Variants in GAD2 observed in about 807,000 individuals in gnomAD.
The protein encoded by GAD2 is glutamate decarboxylase 2.
Under a neutral mutation model 80.1 loss-of-function variants are expected in GAD2, and 22 were observed. The ratio of observed to expected loss-of-function variants is 0.27; its 90% CI spans 0.20 to 0.39. The LOEUF (loss-of-function observed/expected upper bound fraction) is 0.39. Among genes scored for constraint, GAD2 ranks in the 10% least tolerant of loss-of-function variants. The pLI is 1.00. For synonymous variants in GAD2, 274 were observed against 256.9 expected (o/e 1.07, Z -0.64); for missense variants, 624 against 738.4 (o/e 0.85, Z 1.80).
At chr10:26,273,747 C>T in intron 11 of GAD2, 47 bp downstream of exon 11, 1 of 1,487,304 alleles carries the variant, frequency 6.7e-7, no homozygotes, top group South Asian at 1.2e-5. Context: ...TAAAAGCTAA[C>T]TGTGAAACAC....
At chr10:26,281,613 T>G (rs1229600938) in intron 12 of GAD2, among the ~76,000 whole-genome samples, 1 of 152,200 alleles carries the variant, frequency 6.6e-6, no homozygotes, top group East Asian at 1.9e-4. Context: ...AAAGCCATGT[T>G]CAAAGTGTAA....
At chr10:26,294,112 A>T (rs1259841857) in intron 15 of GAD2, among the ~76,000 whole-genome samples, 1 of 152,158 alleles carries the variant, frequency 6.6e-6, no homozygotes, top group Non-Finnish European at 1.5e-5. Context: ...GAAACTAGGG[A>T]TGGTCATGTA....
intron 15 of GAD2, 30 bp downstream of exon 15, chr10:26,293,021 T>C (rs986504865): frequency 4.6e-6 from 7 of 1,533,264 alleles, no homozygotes; most frequent in Admixed American, 1.7e-5. Context: ...CTGATACATG[T>C]GTGTATTGAG....
intron 8 of GAD2, among the ~76,000 whole-genome samples, chr10:26,254,285 C>T (rs1564663683): frequency 6.6e-6 from 1 of 152,216 alleles, no homozygotes; most frequent in East Asian, 1.9e-4. Flanking sequence ...GATCTGCCCG[C>T]CTCGACCTCC....
At chr10:26,278,946 G>A (rs185056085) in intron 11 of GAD2, among the ~76,000 whole-genome samples, 124 of 152,048 alleles carry the variant, frequency 8.2e-4, no homozygotes, top group African/African-American at 2.9e-3. Flanking sequence ...CACCCGAGAG[G>A]TGGGAACTGG....
At chr10:26,245,810 A>C (rs1844801822) in intron 7 of GAD2, 111 bp from the exon 8 acceptor site, 3 of 817,458 alleles carry the variant, frequency 3.7e-6, no homozygotes, top group South Asian at 3.5e-5. Context: ...CAGGCTTTGG[A>C]GGAACAGACT....
chr10:26,245,390 A>AT (rs567176584), intron 7 of GAD2, among the ~76,000 whole-genome samples: 1,701 of 152,038 alleles, frequency 0.011, 38 homozygotes, highest in African/African-American at 0.039. Flanking sequence ...AAATAAAAAA[A>AT]AAATAAATAA....
chr10:26,220,140 G>T (rs1280929597), intron 4 of GAD2, among the ~76,000 whole-genome samples: 1 of 152,054 alleles, frequency 6.6e-6, no homozygotes, highest in African/African-American at 2.4e-5. Flanking sequence ...TTTTTACGTT[G>T]TCTCTAATCA....
Position 26,246,035 on chromosome 10 carries a change from A to G in GAD2, c.920+35A>G, listed in dbSNP as rs201118526. On this transcript the variant is annotated intron_variant, in intron 8 of 15. Transcript: ENST00000376261. Reference sequence around the variant, plus strand: ...CATCGGCAACTCTTGTTGGTTAGCAATTTGCAAATTCCACACAAGTAGTGC... The same window carrying G: ...CATCGGCAACTCTTGTTGGTTAGCAGTTTGCAAATTCCACACAAGTAGTGC... The G allele has an allele frequency of 5.0e-4, 792 of 1,586,316 alleles. 2 individuals are homozygous for G. The Middle Eastern group carries it at 0.01, about 20-fold the overall frequency.
chr10:26,283,626 C>T (rs1208752851), intron 12 of GAD2, among the ~76,000 whole-genome samples: 8 of 152,228 alleles, frequency 5.3e-5, no homozygotes, highest in Non-Finnish European at 1.2e-4. Flanking sequence ...CTGCCATGCT[C>T]TGCTTAGCTT....
At chr10:26,254,024 T>C (rs1844914217) in intron 8 of GAD2, among the ~76,000 whole-genome samples, 2 of 152,198 alleles carry the variant, frequency 1.3e-5, no homozygotes, top group Admixed American at 6.5e-5. Context: ...TTTTCTTTTC[T>C]TTTAATTGAA....
Position 26,219,224 on chromosome 10 carries a change from G to A in GAD2, c.468G>A (p.Leu156=). ...AATTGGCAGACCAACCACAAAATTT[G>A]GAGGAAATTTTGATGCATTGCCAAA... ...NWELADQPQN[L]EEILMHCQTT... Residue 156 remains leucine (L), a synonymous_variant, in exon 4 of 16, where the codon TTG becomes TTA. Coordinates refer to ENST00000376261, the MANE Select transcript of GAD2 (RefSeq NM_001134366.2). 1 of 1,613,660 alleles carries A rather than the reference G, an allele frequency of 6.2e-7. No individual in the cohort carries two copies. Among genetic ancestry groups the A allele is most frequent in the Non-Finnish European group, 8.5e-7 (1 of 1,179,818 alleles).
chr10:26,233,786 G>C lies in GAD2; in HGVS notation c.840+4009G>C, dbSNP rs575157492. Among the ~76,000 whole-genome samples, 366 of 152,284 alleles carry C rather than the reference G, an allele frequency of 2.4e-3. 2 individuals carry two copies. Among genetic ancestry groups the C allele is most frequent in the Non-Finnish European group, 4.5e-3 (309 of 68,026 alleles). ...AGACAACATCAATCTTGGCATGGAGGCTTCTTTCCTCAATTGCTTGGCTGG... is the reference window on the plus strand; with the variant it reads ...AGACAACATCAATCTTGGCATGGAGCCTTCTTTCCTCAATTGCTTGGCTGG... On this transcript the variant is annotated intron_variant, in intron 7 of 15. Coordinates refer to ENST00000376261, the MANE Select transcript of GAD2 (RefSeq NM_001134366.2).
At chr10:26,293,742 TGTG>T (rs1319811113) in intron 15 of GAD2, among the ~76,000 whole-genome samples, 1 of 152,178 alleles carries the variant, frequency 6.6e-6, no homozygotes, top group Non-Finnish European at 1.5e-5. Context: ...TCCTTAGAGC[TGTG>T]GTGACCCCTA....
At chr10:26,218,081 G>C in intron 3 of GAD2, 90 bp downstream of exon 3, 2 of 1,374,766 alleles carry the variant, frequency 1.5e-6, no homozygotes, top group South Asian at 1.4e-5. Context: ...CTGAGAGCCG[G>C]ACAGGGGCGT....
chr10:26,296,627 T>C (rs1021145542), intron 15 of GAD2, among the ~76,000 whole-genome samples: 9 of 152,184 alleles, frequency 5.9e-5, no homozygotes, highest in African/African-American at 2.2e-4. Context: ...GGGCAGCAAG[T>C]GGGCTGTGCC....
At chr10:26,249,654 T>C (rs1366404454) in intron 8 of GAD2, among the ~76,000 whole-genome samples, 1 of 152,090 alleles carries the variant, frequency 6.6e-6, no homozygotes, top group Non-Finnish European at 1.5e-5. Flanking sequence ...AGCATCGGCA[T>C]CACTGCTCCT....
chr10:26,294,876 A>G (rs1417414129), intron 15 of GAD2, among the ~76,000 whole-genome samples: 1 of 152,202 alleles, frequency 6.6e-6, no homozygotes, highest in African/African-American at 2.4e-5. Context: ...TTTTTATGGT[A>G]TACCTTCATA....
chr10:26,254,464 G>A (rs975303935), intron 8 of GAD2, among the ~76,000 whole-genome samples: 5 of 152,270 alleles, frequency 3.3e-5, no homozygotes, highest in African/African-American at 4.8e-5. Context: ...CTGTGTGACC[G>A]GTTCCTAACA....
Sources: gnomAD v4.1 joint callset for allele counts (sites outside exome capture counted in the v4.1 genomes callset) on GRCh38, gnomAD v4.1.1 for gene constraint, MANE v1.5 for transcripts, NCBI Gene and HGNC (gene_info 2026-07-23, HGNC 2026-07-21) for gene names.